Variants in FYB1 observed in about 807,000 individuals in gnomAD.
FYB1 encodes the protein FYN binding protein 1, also known as FYN-binding protein 1.
FYB1 carries 41 observed loss-of-function variants against 94.1 expected under a neutral mutation model. The ratio of observed to expected loss-of-function variants is 0.44; its 90% CI spans 0.34 to 0.57. The LOEUF (loss-of-function observed/expected upper bound fraction) is 0.57. Among genes scored for constraint, FYB1 ranks in the 20% least tolerant of loss-of-function variants. FYB1 has a pLI of 0.02. For missense variants in FYB1, 1,050 were observed against 976.8 expected, an observed-to-expected ratio of 1.07 and a Z score of -1.00; for synonymous variants, 367 against 353.2, an observed-to-expected ratio of 1.04 and a Z score of -0.44.
chr5:39,145,273 A>G (rs1742546730), intron 3 of FYB1, among the ~76,000 whole-genome samples: 1 of 152,224 alleles, frequency 6.6e-6, no homozygotes, highest in Admixed American at 6.5e-5. Flanking sequence ...TATGAGAGTC[A>G]TTTAAATTCT....
chr5:39,155,655 C>G (rs1196344416), intron 2 of FYB1, among the ~76,000 whole-genome samples: 1 of 152,068 alleles, frequency 6.6e-6, no homozygotes, highest in East Asian at 1.9e-4. Context: ...TACATTTTCT[C>G]CTACTTCGCT....
chr5:39,176,672 C>T (rs887479811), intron 2 of FYB1, among the ~76,000 whole-genome samples: 3 of 152,130 alleles, frequency 2.0e-5, no homozygotes, highest in Non-Finnish European at 1.5e-5. Context: ...CTGTTTGTCT[C>T]TCAAAACAGT....
At chr5:39,137,322 A>T in intron 7 of FYB1, 2 of 282,268 alleles carry the variant, frequency 7.1e-6, no homozygotes, top group Non-Finnish European at 1.3e-5. Flanking sequence ...GAGAGACAAG[A>T]TGGGTTTGAA....
At chr5:39,179,321 A>T (rs1273714953) in intron 2 of FYB1, among the ~76,000 whole-genome samples, 1 of 152,202 alleles carries the variant, frequency 6.6e-6, no homozygotes, top group Admixed American at 6.5e-5. Flanking sequence ...CAGACATGGC[A>T]GTGGAACAGC....
At chr5:39,219,689 A>C (rs185985055), upstream of FYB1, 8 of 684,702 alleles carry the variant, frequency 1.2e-5, no homozygotes, top group African/African-American at 1.4e-4. Flanking sequence ...TTGAGTAATA[A>C]GGAGGAGAAA....
At chr5:39,179,676 C>A (rs1746041818) in intron 2 of FYB1, among the ~76,000 whole-genome samples, 1 of 151,732 alleles carries the variant, frequency 6.6e-6, no homozygotes, top group Non-Finnish European at 1.5e-5. Flanking sequence ...CTCCCAAGTA[C>A]CAATGTCTAC....
chr5:39,237,572 T>C (rs1348487898), intron 1 of FYB1, among the ~76,000 whole-genome samples: 1 of 152,070 alleles, frequency 6.6e-6, no homozygotes, highest in Non-Finnish European at 1.5e-5. Flanking sequence ...AAATTTCTGA[T>C]AATCACTGAA....
In FYB1 at chr5:39,244,333, A is replaced by G. The variant is rs1465601987; in HGVS notation, c.-28+30070T>C. ...TACGTCCCATCAATACCTTATTTATAGAGAGTTTTCAGCATGAAGGACTGT... is the reference window on the plus strand; with the variant it reads ...TACGTCCCATCAATACCTTATTTATGGAGAGTTTTCAGCATGAAGGACTGT... On this transcript the variant is annotated intron_variant, in intron 1 of 1. Coordinates refer to the FYB1 transcript ENST00000510188. 3.3e-5 allele frequency among the ~76,000 whole-genome samples: 5 copies of G among 152,140 alleles called. No homozygotes were observed. In the South Asian group the frequency reaches 1.0e-3, roughly 32 times the overall value.
intron 3 of FYB1, among the ~76,000 whole-genome samples, chr5:39,143,426 A>G (rs890141174): frequency 6.6e-6 from 1 of 152,206 alleles, no homozygotes; most frequent in Non-Finnish European, 1.5e-5. Context: ...CTCTCCCGCT[A>G]GACACAAAAA....
At chr5:39,179,914 G>C (rs1294829165) in intron 2 of FYB1, among the ~76,000 whole-genome samples, 3 of 152,112 alleles carry the variant, frequency 2.0e-5, no homozygotes, top group Non-Finnish European at 4.4e-5. Flanking sequence ...GCTCAGCTTA[G>C]GCATCAGTTC....
chr5:39,197,445 A>G (rs912827785), intron 2 of FYB1, among the ~76,000 whole-genome samples: 7 of 152,172 alleles, frequency 4.6e-5, no homozygotes, highest in African/African-American at 1.4e-4. Flanking sequence ...TTCATGTAAA[A>G]ACTCCAATCT....
intron 2 of FYB1, among the ~76,000 whole-genome samples, chr5:39,181,383 C>CAATTT (rs60468410): frequency 0.58 from 86,967 of 150,972 alleles, 29,063 homozygotes; most frequent in Non-Finnish European, 0.74. Context: ...TTTTGAATTT[C>CAATTT]AATTTAATTT....
At chr5:39,174,927 CTCT>C (rs1430199426) in intron 2 of FYB1, among the ~76,000 whole-genome samples, 1 of 152,128 alleles carries the variant, frequency 6.6e-6, no homozygotes, top group African/African-American at 2.4e-5. Flanking sequence ...GCAGGGAGAC[CTCT>C]TCTCCCATAG....
chr5:39,221,062 C>A (rs1256199656), upstream of FYB1, among the ~76,000 whole-genome samples: 1 of 152,076 alleles, frequency 6.6e-6, no homozygotes, highest in Non-Finnish European at 1.5e-5. Flanking sequence ...TTTACCTGGC[C>A]CACAGCTACA....
Position 39,108,271 on chromosome 5 carries a change from G to A in FYB1, c.2436-9C>T, listed in dbSNP as rs751966830. The A allele has an allele frequency of 5.5e-5, 83 of 1,520,942 alleles. No individual in the cohort carries two copies. The Admixed American group carries it at 5.6e-4, about 10-fold the overall frequency. The allele number at this position is 1,520,942 out of a possible 1,614,324, so 94.2% of individuals were successfully genotyped here. On this transcript the variant is annotated splice_polypyrimidine_tract_variant and intron_variant, in intron 17 of 18. Coordinates refer to ENST00000512982, the MANE Select transcript of FYB1 (RefSeq NM_001465.6). ...CATAGATCTCTCCATCACTGTAAAT[G>A]TAAAAAAAAATTTTTATTTTAAAGA...
intron 2 of FYB1, among the ~76,000 whole-genome samples, chr5:39,158,996 C>A (rs58426119): frequency 6.6e-6 from 1 of 152,052 alleles, no homozygotes; most frequent in Non-Finnish European, 1.5e-5. Context: ...TTAGTTTCTC[C>A]ATCTGTCAAA....
At chr5:39,219,980 G>A (rs1457207875), upstream of FYB1, among the ~76,000 whole-genome samples, 1 of 152,208 alleles carries the variant, frequency 6.6e-6, no homozygotes, top group Non-Finnish European at 1.5e-5. Flanking sequence ...AGGTAAAGTG[G>A]TGTGCTTGAC....
chr5:39,181,503 T>G (rs1193336650), intron 2 of FYB1, among the ~76,000 whole-genome samples: 1 of 152,158 alleles, frequency 6.6e-6, no homozygotes, highest in Non-Finnish European at 1.5e-5. Context: ...AAGCATCAGG[T>G]CCCAAGAGGT....
At chr5:39,144,169 G>A (rs1483332367) in intron 3 of FYB1, among the ~76,000 whole-genome samples, 1 of 152,148 alleles carries the variant, frequency 6.6e-6, no homozygotes, top group African/African-American at 2.4e-5. Flanking sequence ...AAAATTTGTG[G>A]TGTAGACTTT....
Sources: allele counts gnomAD v4.1 joint callset (sites outside exome capture counted in the v4.1 genomes callset), GRCh38; gene constraint gnomAD v4.1.1; transcripts MANE v1.5; gene names NCBI Gene and HGNC (gene_info 2026-07-23, HGNC 2026-07-21).